The following TBC1D17 variants were observed in gnomAD, a reference collection of about 807,000 sequenced individuals.
The protein encoded by TBC1D17 is TBC1 domain family member 17.
A neutral mutation model predicts 78.8 loss-of-function variants in TBC1D17; 69 were observed. The observed-to-expected ratio is 0.88, with a 90% confidence interval of 0.72 to 1.07. The LOEUF (loss-of-function observed/expected upper bound fraction) is 1.07, where lower values mean the gene tolerates loss of function less well. TBC1D17 is among the 50% of genes least tolerant of loss of function. The probability of loss-of-function intolerance (pLI) is 0.00; values close to 1 mark genes in which losing one functional copy is unlikely to be tolerated. For synonymous variants in TBC1D17, 456 were observed against 358.3 expected, an observed-to-expected ratio of 1.27 and a Z score of -3.08; for missense variants, 957 against 861.0, an observed-to-expected ratio of 1.11 and a Z score of -1.39.
Position 49,883,023 on chromosome 19 carries a change from C to T in TBC1D17, c.978C>T (p.Tyr326=), listed in dbSNP as rs1025924237. The T allele has an allele frequency of 1.2e-6, 2 of 1,611,526 alleles. No homozygotes were observed. Among genetic ancestry groups the T allele is most frequent in the African/African-American group, 2.7e-5 (2 of 75,024 alleles). Reference sequence around the variant, plus strand: ...AGGCCTGGAAGTTCCTCCTAGGGTACCTCAGCTGGGAAGGCACAGCTGAGG... The same window carrying T: ...AGGCCTGGAAGTTCCTCCTAGGGTATCTCAGCTGGGAAGGCACAGCTGAGG... The part of the protein sequence containing the change: ...RREAWKFLLG[Y]LSWEGTAEEH... Residue 326 remains tyrosine, a synonymous_variant, in exon 9 of 17, where the codon TAC becomes TAT. Coordinates refer to ENST00000221543, the MANE Select transcript of TBC1D17 (RefSeq NM_024682.3).
At position 49,884,455 on chromosome 19, in the gene TBC1D17, C is replaced by A. The variant is rs757373487; in HGVS notation, c.1244-4C>A. 1 of 1,613,970 alleles carries A rather than the reference C, an allele frequency of 6.2e-7. No individual in the cohort carries two copies. The highest frequency in any genetic ancestry group is 8.5e-7 in the Non-Finnish European group (1 of 1,179,984). On this transcript the variant is annotated splice_polypyrimidine_tract_variant and splice_region_variant and intron_variant, in intron 11 of 16. Transcript: ENST00000221543. ...GGCTGCAGCCTGACCCCATGTCCCCCCAGGCTACGTCCAGGGCATGAGTGA... is the reference window on the plus strand; with the variant it reads ...GGCTGCAGCCTGACCCCATGTCCCCACAGGCTACGTCCAGGGCATGAGTGA...
At chr19:49,884,820 G>A (rs1254789742) in intron 13 of TBC1D17, 62 bp downstream of exon 13, 3 of 1,466,712 alleles carry the variant, frequency 2.0e-6, no homozygotes, top group Non-Finnish European at 2.8e-6. Flanking sequence ...AGATTCTCTG[G>A]TAGCAGCCAC....
At position 49,880,360 on chromosome 19, in the gene TBC1D17, AG is replaced by A; in HGVS notation, c.278del (p.Ser93ThrfsTer29). On this transcript the variant is annotated frameshift_variant, in exon 4 of 17. Coordinates refer to ENST00000221543, the MANE Select transcript of TBC1D17 (RefSeq NM_024682.3). LOFTEE classifies it high-confidence loss of function. ...PGYEPDWAVI[S>X]TVRPQLCHSE... ...CTATGAACCTGACTGGGCTGTCATC[AG>A]CACTGTGCGGCCACAGCTCTGCCAC... 6.2e-7 allele frequency: 1 copy of A among 1,614,010 alleles called. No individual in the cohort carries two copies. The highest frequency in any genetic ancestry group is 8.5e-7 in the Non-Finnish European group (1 of 1,179,998).
intron 1 of TBC1D17, 115 bp from the exon 2 acceptor site, chr19:49,878,028 T>C (rs1052554912): frequency 6.8e-6 from 6 of 883,550 alleles, no homozygotes; most frequent in East Asian, 5.5e-5. Flanking sequence ...CCCGGGGCAA[T>C]GGCCCTCCCG....
rs202194413 is a variant in TBC1D17, at chr19:49,878,157, G to C, written c.36G>C (p.Lys12Asn). 2 of 1,578,244 alleles carry C rather than the reference G, an allele frequency of 1.3e-6. No homozygotes were observed. Among genetic ancestry groups the C allele is most frequent in the Admixed American group, 1.8e-5 (1 of 54,910 alleles). ...EGAGYRVVFE[K>N]GGVYLHTSAK... ...CCCCAACTCAGGTGGTGTTTGAGAAGGGCGGAGTGTACCTGCACACCAGCG... is the reference window on the plus strand; with the variant it reads ...CCCCAACTCAGGTGGTGTTTGAGAACGGCGGAGTGTACCTGCACACCAGCG... The change falls in exon 2 of 17, where the codon AAG becomes AAC. Residue 12 changes from lysine (K) to asparagine (N), a missense_variant. Physicochemically the swap from Lys to Asn is moderately conservative, Grantham distance 94. Transcript: ENST00000221543.
chr19:49,888,341 C>T (rs1600456610), intron 16 of TBC1D17, 24 bp downstream of exon 16: 1 of 1,547,622 alleles, frequency 6.5e-7, no homozygotes. Flanking sequence ...CGCCCCGCAG[C>T]GCCCCGCCCG....
At chr19:49,878,358 C>A in intron 2 of TBC1D17, 117 bp downstream of exon 2, 2 of 1,235,666 alleles carry the variant, frequency 1.6e-6, no homozygotes, top group East Asian at 2.5e-5. Context: ...CTGAAGAAGG[C>A]TGGGTGTGGG....
chr19:49,877,934 G>T (rs1210324464), intron 1 of TBC1D17, 190 bp downstream of exon 1: 1 of 769,294 alleles, frequency 1.3e-6, no homozygotes, highest in Non-Finnish European at 2.0e-6. Flanking sequence ...CGCCCCCCCG[G>T]CTCAGGCGAC....
rs112597939 is a variant in TBC1D17 at position 49,880,417 on chromosome 19, C to T, written c.319+15C>T. On this transcript the variant is annotated intron_variant, in intron 4 of 16. Transcript: ENST00000221543. ...GCCCACGAGAGGTAGGCTGAGGTGG[C>T]GGCCCTTGAGAAGCACGTGTGGGCC... The T allele has an allele frequency of 5.2e-5, 84 of 1,611,746 alleles. No homozygotes were observed. The African/African-American group carries it at 5.7e-4, about 11-fold the overall frequency.
intron 4 of TBC1D17, 139 bp from the exon 5 acceptor site, chr19:49,881,129 T>A: frequency 1.5e-6 from 1 of 686,848 alleles, no homozygotes; most frequent in East Asian, 2.7e-5. Flanking sequence ...TTCCAAGGAA[T>A]GTGAGGCCAG....
intron 10 of TBC1D17, 81 bp downstream of exon 10, chr19:49,883,826 TAGAG>T (rs2122454261): frequency 8.0e-7 from 1 of 1,242,344 alleles, no homozygotes; most frequent in South Asian, 1.2e-5. Flanking sequence ...GAGTGGGAGA[TAGAG>T]GGAGCCCCCT....
chr19:49,884,964 G>A lies in TBC1D17; in HGVS notation c.1444+206G>A, dbSNP rs1463837326. Among the ~76,000 whole-genome samples the A allele has an allele frequency of 5.9e-5, 9 of 152,288 alleles. No homozygotes were observed. In the East Asian group the frequency reaches 1.2e-3, roughly 20 times the overall value. ...ACACGCAGGAATGCTGACTCACCCCGTCCTCATGCTCACCTAGATCCTGTT... is the reference window on the plus strand; with the variant it reads ...ACACGCAGGAATGCTGACTCACCCCATCCTCATGCTCACCTAGATCCTGTT... On this transcript the variant is annotated intron_variant, in intron 13 of 16. Transcript: ENST00000221543.
At chr19:49,878,476 C>T (rs1200158415) in intron 2 of TBC1D17, 22 bp from the exon 3 acceptor site, 1 of 1,610,144 alleles carries the variant, frequency 6.2e-7, no homozygotes, top group South Asian at 1.1e-5. Flanking sequence ...CGCCTCTAAC[C>T]CCGCCTCCCT....
At position 49,882,787 on chromosome 19, in the gene TBC1D17, C is replaced by T. The variant is rs144621206; in HGVS notation, c.822C>T (p.Thr274=). The T allele has an allele frequency of 1.7e-5, 27 of 1,590,920 alleles. No homozygotes were observed. The highest frequency in any genetic ancestry group is 2.2e-5 in the East Asian group (1 of 44,528). Residue 274 remains threonine (T), a synonymous_variant, in exon 8 of 17, where the codon ACC becomes ACT. Transcript: ENST00000221543. ...ISCVELGPRP[T]VERGPPVTEE... Reference sequence around the variant, plus strand: ...AGGTGGAGCTGGGGCCTCGGCCAACCGTGGAGCGGGGCCCTCCAGTTACAG... The same window carrying T: ...AGGTGGAGCTGGGGCCTCGGCCAACTGTGGAGCGGGGCCCTCCAGTTACAG...
chr19:49,882,550 C>T (rs984238439), intron 7 of TBC1D17, 150 bp downstream of exon 7: 4 of 1,362,764 alleles, frequency 2.9e-6, no homozygotes, highest in East Asian at 5.0e-5. Flanking sequence ...GCTCATGGCT[C>T]TGCCAGACAC....
intron 5 of TBC1D17, 77 bp from the exon 6 acceptor site, chr19:49,881,964 T>C (rs2075018036): frequency 1.5e-6 from 2 of 1,295,514 alleles, no homozygotes; most frequent in East Asian, 2.3e-5. Flanking sequence ...CTGGAACCGA[T>C]GTCGGCCGAG....
chr19:49,884,769 C>A lies in TBC1D17; in HGVS notation c.1444+11C>A. ...TCTGCGACTTCCTGGGTATGTCTCT[C>A]GGGAGGGTGGGCAGGAGACAATGGG... On this transcript the variant is annotated intron_variant, in intron 13 of 16. Transcript: ENST00000221543. 1.2e-6 allele frequency: 2 copies of A among 1,612,536 alleles called. No individual in the cohort carries two copies. Among genetic ancestry groups the A allele is most frequent in the Non-Finnish European group, 1.7e-6 (2 of 1,179,144 alleles).
rs2075089031 is a variant in TBC1D17, at chr19:49,888,706, C to T, written c.*82C>T. 7.9e-7 allele frequency: 1 copy of T among 1,272,944 alleles called. No homozygotes were observed. Among genetic ancestry groups the T allele is most frequent in the Non-Finnish European group, 1.1e-6 (1 of 945,284 alleles). 78.9% of individuals were successfully genotyped at this position (1,272,944 alleles called of 1,614,324 possible). ...CGAGGGGGCAGGTGTGCTCCGCCGC[C>T]CTGCTGATAAGCTGGCTTCATTAAA... On this transcript the variant is annotated 3_prime_UTR_variant, in exon 17 of 17. Coordinates refer to ENST00000221543, the MANE Select transcript of TBC1D17 (RefSeq NM_024682.3).
At position 49,888,526 on chromosome 19, in the gene TBC1D17, G is replaced by GGCCCCCC; in HGVS notation, c.1849_1850insGCCCCCC (p.Ala617GlyfsTer65). 1.3e-6 allele frequency: 2 copies of GGCCCCCC among 1,533,202 alleles called. No homozygotes were observed. Among genetic ancestry groups the GGCCCCCC allele is most frequent in the Non-Finnish European group, 1.8e-6 (2 of 1,141,144 alleles). 95.0% of individuals were successfully genotyped at this position (1,533,202 alleles called of 1,614,324 possible). A position where few individuals can be genotyped will look rare whatever the true frequency, so the allele number is the denominator to read the frequency against. On this transcript the variant is annotated frameshift_variant, in exon 17 of 17. Transcript: ENST00000221543. LOFTEE classifies it low-confidence loss of function (END_TRUNC). ...CCCGCTGCCTCTGTCGCCCACCCGG[G>GGCCCCCC]CCCCGCCCACCCCGCCGCCCTCCAC... is the stretch of plus-strand genomic sequence containing the variant.
Sources: allele counts gnomAD v4.1 joint callset (sites outside exome capture counted in the v4.1 genomes callset), GRCh38; gene constraint gnomAD v4.1.1; transcripts MANE v1.5; gene names NCBI Gene and HGNC (gene_info 2026-07-23, HGNC 2026-07-21).